B3GALT5: variants seen among roughly 807,000 people sequenced by gnomAD.
B3GALT5 encodes UDP-Gal:betaGlcNAc beta 1,3-galactosyltransferase, polypeptide 5.
For missense variants in B3GALT5, 328 were observed against 396.6 expected (o/e 0.83, Z 1.47); for synonymous variants, 156 against 158.6 (o/e 0.98, Z 0.12).
chr21:39,632,052 A>G (rs2079195309), intron 1 of B3GALT5, among the ~76,000 whole-genome samples: 1 of 152,306 alleles, frequency 6.6e-6, no homozygotes. Context: ...TGAAGTTTCA[A>G]GTGTCGGAGC....
intron 1 of B3GALT5, 107 bp downstream of exon 1, chr21:39,613,174 C>T (rs2079089645): frequency 6.6e-6 from 1 of 150,782 alleles, no homozygotes; most frequent in South Asian, 1.8e-4. Flanking sequence ...GGGACCGCGG[C>T]GCGGCCGCGC....
intron 2 of B3GALT5, among the ~76,000 whole-genome samples, chr21:39,650,745 A>T: frequency 6.6e-6 from 1 of 151,650 alleles, no homozygotes; most frequent in East Asian, 1.9e-4. Flanking sequence ...CATCATTTAG[A>T]TGGGGGAGCC....
intron 1 of B3GALT5, among the ~76,000 whole-genome samples, chr21:39,639,351 C>CTTTCTTTCTTTCTTTTT (rs1569212202): frequency 9.4e-5 from 6 of 64,038 alleles, no homozygotes; most frequent in Admixed American, 1.7e-4. Flanking sequence ...TCTTTCTTTC[C>CTTTCTTTCTTTCTTTTT]TTCCTTCCTT....
At chr21:39,644,826 G>C (rs2079321757) in intron 1 of B3GALT5, among the ~76,000 whole-genome samples, 1 of 151,918 alleles carries the variant, frequency 6.6e-6, no homozygotes, top group African/African-American at 2.4e-5. Context: ...TTATCCAGGA[G>C]TGACTGGAAG....
At chr21:39,639,391 C>CCT (rs1491010491) in intron 1 of B3GALT5, among the ~76,000 whole-genome samples, 45 of 81,722 alleles carry the variant, frequency 5.5e-4, no homozygotes, top group African/African-American at 2.0e-3. Context: ...TCCTTCCTTC[C>CCT]TTCTTTCTTT....
At chr21:39,656,776 CT>C in intron 2 of B3GALT5, among the ~76,000 whole-genome samples, 1 of 152,346 alleles carries the variant, frequency 6.6e-6, no homozygotes, top group Admixed American at 6.5e-5. Context: ...CTGCACGTGC[CT>C]GTGCGGGTAG....
At position 39,671,697 on chromosome 21, in the gene B3GALT5, TTAACTA is replaced by T. The variant is rs2079629861; in HGVS notation, c.*10207_*10212del. The T allele has an allele frequency of 6.6e-6, 1 of 152,352 alleles. No individual in the cohort carries two copies. The highest frequency in any genetic ancestry group is 2.4e-5 in the African/African-American group (1 of 41,584). The allele number at this position is 152,352 out of a possible 1,614,324, so 9.4% of individuals were successfully genotyped here. A position where few individuals can be genotyped will look rare whatever the true frequency, so the allele number is the denominator to read the frequency against. ...GCTGAGGTGTATTTGAAGTAAACTC[TTAACTA>T]TGTCTCTGGGATATGAAAGGTGCTT... On this transcript the variant is annotated 3_prime_UTR_variant, in exon 4 of 4. Transcript: ENST00000684187.
intron 1 of B3GALT5, among the ~76,000 whole-genome samples, chr21:39,624,080 G>A (rs2079151457): frequency 6.6e-6 from 1 of 152,120 alleles, no homozygotes; most frequent in Non-Finnish European, 1.5e-5. Context: ...AAGTCTGAAG[G>A]TTTCTTTCTC....
At chr21:39,625,336 C>T (rs1052841018) in intron 1 of B3GALT5, among the ~76,000 whole-genome samples, 7 of 152,196 alleles carry the variant, frequency 4.6e-5, no homozygotes, top group Admixed American at 2.6e-4. Context: ...GGCTCTACCA[C>T]GCCTGCTAAC....
Position 39,660,895 on chromosome 21 carries a change from G to A in B3GALT5, c.336G>A (p.Glu112=), listed in dbSNP as rs1471933372. The change falls in exon 4 of 4, where the codon GAG becomes GAA. Residue 112 remains glutamate, a synonymous_variant. Transcript: ENST00000684187. Reference sequence around the variant, plus strand: ...CGGAAACGAAAGAGGTGGACCAGGAGAGCCAGCGACACGGGGACATTATCC... The same window carrying A: ...CGGAAACGAAAGAGGTGGACCAGGAAAGCCAGCGACACGGGGACATTATCC... The part of the protein sequence containing the change: ...SAAETKEVDQ[E]SQRHGDIIQK... 8.7e-6 allele frequency: 14 copies of A among 1,611,900 alleles called. No homozygotes were observed. In the East Asian group the frequency reaches 2.9e-4, roughly 33 times the overall value.
chr21:39,641,647 G>C (rs911298515), intron 1 of B3GALT5, among the ~76,000 whole-genome samples: 4 of 152,112 alleles, frequency 2.6e-5, no homozygotes, highest in Non-Finnish European at 5.9e-5. Context: ...TCTGATCTCA[G>C]TATTTTCTAC....
At chr21:39,633,873 G>T (rs1223823240) in intron 1 of B3GALT5, among the ~76,000 whole-genome samples, 8 of 152,168 alleles carry the variant, frequency 5.3e-5, no homozygotes, top group Non-Finnish European at 1.0e-4. Flanking sequence ...AAGAAACGGA[G>T]GCTTAGTGGT....
intron 1 of B3GALT5, among the ~76,000 whole-genome samples, chr21:39,614,014 A>G (rs2079094476): frequency 6.6e-6 from 1 of 152,176 alleles, no homozygotes; most frequent in Non-Finnish European, 1.5e-5. Context: ...AGTAGAATTT[A>G]ATGAAGATAC....
At position 39,660,739 on chromosome 21, in the gene B3GALT5, C is replaced by T. The variant is rs747469817; in HGVS notation, c.180C>T (p.Val60=). The T allele has an allele frequency of 6.5e-7, 1 of 1,546,242 alleles. No individual in the cohort carries two copies. Among genetic ancestry groups the T allele is most frequent in the Non-Finnish European group, 8.7e-7 (1 of 1,147,552 alleles). The change falls in exon 4 of 4, where the codon GTC becomes GTT. Residue 60 remains valine, a synonymous_variant. Transcript: ENST00000684187. ...GCAGGCAGACACCTCCCTTCCTCGT[C>T]CTGCTGGTGACCTCATCCCACAAAC... ...TDCRQTPPFL[V]LLVTSSHKQL...
At position 39,672,518 on chromosome 21, in the gene B3GALT5, G is replaced by A. The variant is rs1332189402; in HGVS notation, c.*11026G>A. The stretch of plus-strand genomic sequence containing the variant: ...CTAGACTCTTATGTCATTGTATTTT[G>A]GAAATGGGTATATGTCCTTATTATT... On this transcript the variant is annotated 3_prime_UTR_variant, in exon 4 of 4. Coordinates refer to ENST00000684187, the MANE Select transcript of B3GALT5 (RefSeq NM_001356336.2). 6.6e-6 allele frequency: 1 copy of A among 152,056 alleles called. No individual in the cohort carries two copies. Among genetic ancestry groups the A allele is most frequent in the Non-Finnish European group, 1.5e-5 (1 of 67,996 alleles). 9.4% of individuals were successfully genotyped at this position (152,056 alleles called of 1,614,324 possible). A position where few individuals can be genotyped will look rare whatever the true frequency, so the allele number is the denominator to read the frequency against.
At chr21:39,624,476 G>A (rs1306660425) in intron 1 of B3GALT5, among the ~76,000 whole-genome samples, 1 of 152,206 alleles carries the variant, frequency 6.6e-6, no homozygotes, top group Non-Finnish European at 1.5e-5. Context: ...CAGAGTGGGT[G>A]TTCAATGGCT....
chr21:39,672,386 G>A lies in B3GALT5; in HGVS notation c.*10894G>A, dbSNP rs2079637426. ...TGGAAATTACTTAATGCAACCAGAG[G>A]AGACTTCGCAGTCAAATTTTGCTTT... On this transcript the variant is annotated 3_prime_UTR_variant, in exon 4 of 4. Transcript: ENST00000684187. The A allele has an allele frequency of 6.6e-6, 1 of 152,206 alleles. No individual in the cohort carries two copies. The highest frequency in any genetic ancestry group is 1.5e-5 in the Non-Finnish European group (1 of 68,042). 9.4% of individuals were successfully genotyped at this position (152,206 alleles called of 1,614,324 possible).
rs1360612914 is a variant in B3GALT5, at chr21:39,671,832, G to C, written c.*10340G>C. On this transcript the variant is annotated 3_prime_UTR_variant, in exon 4 of 4. Transcript: ENST00000684187. ...GTTTTCCTGCTGTTGAAATCTGAGT[G>C]CTAGGAACGGACCTCTTGCTCTCAG... 2 of 152,244 alleles carry C rather than the reference G, an allele frequency of 1.3e-5. No individual in the cohort carries two copies. Among genetic ancestry groups the C allele is most frequent in the Non-Finnish European group, 2.9e-5 (2 of 68,082 alleles). The allele number at this position is 152,244 out of a possible 1,614,324, so 9.4% of individuals were successfully genotyped here.
At chr21:39,627,600 A>G (rs965111657) in intron 1 of B3GALT5, among the ~76,000 whole-genome samples, 2 of 150,746 alleles carry the variant, frequency 1.3e-5, no homozygotes, top group African/African-American at 4.9e-5. Context: ...GTTCTTTGCT[A>G]TTCATTTTTC....
Sources: gnomAD v4.1 joint callset for allele counts (sites outside exome capture counted in the v4.1 genomes callset) on GRCh38, gnomAD v4.1.1 for gene constraint, MANE v1.5 for transcripts, NCBI Gene and HGNC (gene_info 2026-07-23, HGNC 2026-07-21) for gene names.